The following DSTN variants were observed in gnomAD, a reference collection of about 807,000 sequenced individuals.
The protein encoded by DSTN is destrin, actin depolymerizing factor.
Under a neutral mutation model 16.8 loss-of-function variants are expected in DSTN, and 10 were observed. That is an observed-to-expected ratio of 0.60 (90% CI 0.37 to 1.01). The LOEUF is 1.01. DSTN is among the 50% of genes least tolerant of loss of function. DSTN has a pLI of 0.01. For missense variants in DSTN, 141 were observed against 196.7 expected (o/e 0.72, Z 1.69); for synonymous variants, 57 against 58.9 (o/e 0.97, Z 0.14).
At position 17,570,212 on chromosome 20, in the gene DSTN, G is replaced by A; in HGVS notation, c.3+1G>A. ...CCCTGCGACCGCCGCGGCGAAGATG[G>A]TGAGTAGGAGGGAGGCCGAGGCGTG... is the stretch of plus-strand genomic sequence containing the variant. On this transcript the variant is annotated splice_donor_variant, in intron 1 of 3. Transcript: ENST00000246069. LOFTEE classifies it high-confidence loss of function. The A allele has an allele frequency of 6.6e-7, 1 of 1,517,402 alleles. No individual in the cohort carries two copies. Among genetic ancestry groups the A allele is most frequent in the Non-Finnish European group, 8.8e-7 (1 of 1,136,556 alleles). 94.0% of individuals were successfully genotyped at this position (1,517,402 alleles called of 1,614,324 possible). A position where few individuals can be genotyped will look rare whatever the true frequency, so the allele number is the denominator to read the frequency against.
chr20:17,570,457 C>T (rs1479098754), intron 1 of DSTN, among the ~76,000 whole-genome samples: 1 of 152,224 alleles, frequency 6.6e-6, no homozygotes, highest in Non-Finnish European at 1.5e-5. Context: ...GGGGCGAGGC[C>T]GCCGCCCTGA....
intron 1 of DSTN, among the ~76,000 whole-genome samples, chr20:17,597,432 T>G (rs759650671): frequency 6.6e-6 from 1 of 152,214 alleles, no homozygotes; most frequent in Non-Finnish European, 1.5e-5. Flanking sequence ...TCTCCCAGGA[T>G]TCTTGCATGT....
In DSTN at chr20:17,607,330, G is replaced by A; in HGVS notation, c.*184G>A. On this transcript the variant is annotated 3_prime_UTR_variant, in exon 4 of 4. Coordinates refer to ENST00000246069, the MANE Select transcript of DSTN (RefSeq NM_006870.4). ...TAAATCTAAAGTCTAAAGTTTTATTGATGTGAAATTAAATTCTTATTGGCC... is the reference window on the plus strand; with the variant it reads ...TAAATCTAAAGTCTAAAGTTTTATTAATGTGAAATTAAATTCTTATTGGCC... 4.2e-6 allele frequency: 2 copies of A among 478,370 alleles called. No individual in the cohort carries two copies. The highest frequency in any genetic ancestry group is 7.2e-6 in the Non-Finnish European group (2 of 278,650). 29.6% of individuals were successfully genotyped at this position (478,370 alleles called of 1,614,324 possible).
chr20:17,577,153 A>G (rs567352815), intron 1 of DSTN, among the ~76,000 whole-genome samples: 21 of 152,248 alleles, frequency 1.4e-4, no homozygotes, highest in Non-Finnish European at 2.8e-4. Context: ...TTCCCAAGCT[A>G]TCTCATTATG....
chr20:17,584,425 G>A (rs2035383905), intron 1 of DSTN, among the ~76,000 whole-genome samples: 1 of 152,070 alleles, frequency 6.6e-6, no homozygotes. Flanking sequence ...TGAGGCAGGC[G>A]GATCACCTGA....
At chr20:17,599,652 G>T (rs1001285719) in intron 1 of DSTN, 1 of 152,258 alleles carries the variant, frequency 6.6e-6, no homozygotes, top group African/African-American at 2.4e-5. Context: ...ACAGGTTCAG[G>T]CTGATGATTT....
chr20:17,577,881 G>A (rs2035297102), intron 1 of DSTN, among the ~76,000 whole-genome samples: 1 of 152,150 alleles, frequency 6.6e-6, no homozygotes, highest in Non-Finnish European at 1.5e-5. Flanking sequence ...ATATACTCAA[G>A]TTGCTCCAGA....
At chr20:17,571,752 TA>T (rs1300409126) in intron 1 of DSTN, among the ~76,000 whole-genome samples, 1 of 152,196 alleles carries the variant, frequency 6.6e-6, no homozygotes, top group Non-Finnish European at 1.5e-5. Flanking sequence ...TGTTTGAAAA[TA>T]AGAGACCAAA....
intron 1 of DSTN, among the ~76,000 whole-genome samples, chr20:17,588,711 G>A (rs1378479170): frequency 2.4e-4 from 37 of 152,202 alleles, no homozygotes; most frequent in Non-Finnish European, 8.8e-5. Context: ...GTGAACCCAG[G>A]AGGCAGAGCT....
intron 1 of DSTN, among the ~76,000 whole-genome samples, chr20:17,586,381 C>T (rs1177044598): frequency 1.3e-5 from 2 of 152,190 alleles, no homozygotes; most frequent in South Asian, 2.1e-4. Flanking sequence ...TGGCTTGCCT[C>T]ATAGGACCCA....
chr20:17,603,651 T>C (rs1420130782), intron 2 of DSTN, among the ~76,000 whole-genome samples: 1 of 152,244 alleles, frequency 6.6e-6, no homozygotes, highest in African/African-American at 2.4e-5. Flanking sequence ...GTGTTGCTGC[T>C]GAAGGTGCTG....
At chr20:17,571,699 A>G (rs2035209137) in intron 1 of DSTN, among the ~76,000 whole-genome samples, 1 of 152,186 alleles carries the variant, frequency 6.6e-6, no homozygotes, top group African/African-American at 2.4e-5. Context: ...CTGATTTGAC[A>G]TTATGCTTTT....
intron 1 of DSTN, among the ~76,000 whole-genome samples, chr20:17,579,894 G>A (rs2122168823): frequency 6.6e-6 from 1 of 152,252 alleles, no homozygotes; most frequent in East Asian, 1.9e-4. Context: ...GCTTGCTGCT[G>A]GTGCAGCATT....
At chr20:17,584,069 T>C (rs2035380328) in intron 1 of DSTN, among the ~76,000 whole-genome samples, 5 of 152,102 alleles carry the variant, frequency 3.3e-5, no homozygotes, top group Admixed American at 3.3e-4. Context: ...TTCAAAATGG[T>C]CTAAGATTAG....
chr20:17,575,312 C>T (rs117049909), intron 1 of DSTN, among the ~76,000 whole-genome samples: 2 of 152,160 alleles, frequency 1.3e-5, no homozygotes, highest in African/African-American at 2.4e-5. Flanking sequence ...ACTTGCAAGT[C>T]TTGAAAAACT....
intron 1 of DSTN, 104 bp from the exon 2 acceptor site, chr20:17,600,634 C>A: frequency 7.6e-7 from 1 of 1,307,662 alleles, no homozygotes; most frequent in Middle Eastern, 1.9e-4. Context: ...GATGATATAC[C>A]TTTAAAATGT....
chr20:17,597,731 C>T (rs2035542055), intron 1 of DSTN, among the ~76,000 whole-genome samples: 1 of 152,184 alleles, frequency 6.6e-6, no homozygotes, highest in African/African-American at 2.4e-5. Context: ...CCACAAAGTA[C>T]AGTTCAATTC....
intron 1 of DSTN, among the ~76,000 whole-genome samples, chr20:17,588,764 A>G (rs1019810972): frequency 4.6e-5 from 7 of 152,210 alleles, no homozygotes; most frequent in African/African-American, 1.2e-4. Flanking sequence ...AGCCTGGGCA[A>G]CAGAGCGAGA....
chr20:17,578,961 C>CAAAAAAAAAA (rs59600009), intron 1 of DSTN, among the ~76,000 whole-genome samples: 5 of 81,392 alleles, frequency 6.1e-5, no homozygotes, highest in African/African-American at 9.2e-5. Flanking sequence ...AATTCCATCT[C>CAAAAAAAAAA]AAAAAAAAAA....
Sources: gnomAD v4.1 joint callset for allele counts (sites outside exome capture counted in the v4.1 genomes callset) on GRCh38, gnomAD v4.1.1 for gene constraint, MANE v1.5 for transcripts, NCBI Gene and HGNC (gene_info 2026-07-23, HGNC 2026-07-21) for gene names.